TMTC2: variants seen among roughly 807,000 people sequenced by gnomAD.
TMTC2 encodes protein O-mannosyl-transferase TMTC2.
Under a neutral mutation model 82.4 loss-of-function variants are expected in TMTC2, and 43 were observed. The observed-to-expected ratio is 0.52, with a 90% CI of 0.41 to 0.67. The LOEUF (loss-of-function observed/expected upper bound fraction) is 0.67, where lower values mean the gene tolerates loss of function less well. Ranked by LOEUF, TMTC2 falls within the 30% of genes least tolerant of loss-of-function variation. The pLI is 0.00. For missense variants in TMTC2, 919 were observed against 1,012.4 expected (o/e 0.91, Z 1.25); for synonymous variants, 408 against 381.9 (o/e 1.07, Z -0.80).
intron 8 of TMTC2, among the ~76,000 whole-genome samples, chr12:82,991,717 T>C (rs1409323120): frequency 2.0e-5 from 3 of 152,204 alleles, no homozygotes; most frequent in South Asian, 2.1e-4. Flanking sequence ...GTTTGAACTT[T>C]GTTACCTAGG....
chr12:82,826,459 C>T (rs1480167070), intron 1 of TMTC2, among the ~76,000 whole-genome samples: 2 of 151,968 alleles, frequency 1.3e-5, no homozygotes, highest in Non-Finnish European at 2.9e-5. Flanking sequence ...TTTTCTTGTT[C>T]CCTGCTAAGT....
At chr12:82,849,868 C>T (rs1870882284) in intron 1 of TMTC2, among the ~76,000 whole-genome samples, 1 of 152,050 alleles carries the variant, frequency 6.6e-6, no homozygotes, top group African/African-American at 2.4e-5. Flanking sequence ...TTTGGTTTCA[C>T]CCTCAGGCTG....
At chr12:82,876,040 T>TGGTGGTGGC (rs1872488872) in intron 2 of TMTC2, among the ~76,000 whole-genome samples, 4 of 107,766 alleles carry the variant, frequency 3.7e-5, no homozygotes, top group Admixed American at 1.1e-4. Flanking sequence ...GTGGTGGTGG[T>TGGTGGTGGC]GGTGGTGGTG....
chr12:82,947,518 A>G (rs975135821), intron 4 of TMTC2, among the ~76,000 whole-genome samples: 3 of 149,012 alleles, frequency 2.0e-5, no homozygotes, highest in Non-Finnish European at 2.9e-5. Flanking sequence ...AATTTTTTGT[A>G]TTTTTAGTAG....
intron 7 of TMTC2, among the ~76,000 whole-genome samples, chr12:82,970,163 G>A (rs1012273864): frequency 2.6e-5 from 4 of 152,148 alleles, no homozygotes; most frequent in African/African-American, 4.8e-5. Context: ...GCATCCTTGG[G>A]CAAATTACTT....
chr12:82,785,366 GT>G (rs1878130571), intron 1 of TMTC2, among the ~76,000 whole-genome samples: 5 of 38,236 alleles, frequency 1.3e-4, no homozygotes, highest in African/African-American at 5.4e-4. Flanking sequence ...ACCCCCCCCC[GT>G]CCCCCCCAAA....
At chr12:82,867,061 G>A (rs1325727943) in intron 2 of TMTC2, among the ~76,000 whole-genome samples, 3 of 152,220 alleles carry the variant, frequency 2.0e-5, no homozygotes, top group South Asian at 2.1e-4. Flanking sequence ...TAGCATCTTC[G>A]AAGTCAGTGA....
At chr12:82,811,694 A>C (rs1240136510) in intron 1 of TMTC2, among the ~76,000 whole-genome samples, 1 of 151,666 alleles carries the variant, frequency 6.6e-6, no homozygotes, top group Non-Finnish European at 1.5e-5. Flanking sequence ...TGAATGAATG[A>C]GCCGTTTATA....
In TMTC2 at chr12:83,088,154, A is replaced by G. The variant is rs532775632; in HGVS notation, c.2331+26323A>G. Reference sequence around the variant, plus strand: ...AGAGATGAACCTTTCTTTAAATTCCATGAACAAACCTCTGCTAGCTTCAGA... The same window carrying G: ...AGAGATGAACCTTTCTTTAAATTCCGTGAACAAACCTCTGCTAGCTTCAGA... On this transcript the variant is annotated intron_variant, in intron 11 of 11. Coordinates refer to ENST00000321196, the MANE Select transcript of TMTC2 (RefSeq NM_152588.3). Among the ~76,000 whole-genome samples, 9 of 152,320 alleles carry G rather than the reference A, an allele frequency of 5.9e-5. No homozygotes were observed. In the East Asian group the frequency reaches 1.7e-3, roughly 29 times the overall value.
chr12:82,777,747 C>G (rs968341265), intron 1 of TMTC2, among the ~76,000 whole-genome samples: 1 of 152,178 alleles, frequency 6.6e-6, no homozygotes, highest in African/African-American at 2.4e-5. Context: ...CTTTGCATCT[C>G]TCTTTATACT....
At chr12:82,998,051 A>C (rs554264900) in intron 8 of TMTC2, among the ~76,000 whole-genome samples, 33 of 152,312 alleles carry the variant, frequency 2.2e-4, no homozygotes, top group African/African-American at 7.9e-4. Flanking sequence ...TTAGAAATAA[A>C]CATAAGTGAA....
At chr12:82,800,604 A>T (rs1002627680) in intron 1 of TMTC2, among the ~76,000 whole-genome samples, 1 of 152,146 alleles carries the variant, frequency 6.6e-6, no homozygotes, top group African/African-American at 2.4e-5. Flanking sequence ...TGAAGTAGTA[A>T]ATGCTATTTA....
chr12:82,706,323 CAAAAAA>C (rs11365830), intron 1 of TMTC2, among the ~76,000 whole-genome samples: 4 of 80,252 alleles, frequency 5.0e-5, no homozygotes, highest in African/African-American at 1.9e-4. Context: ...GAGTCCATCT[CAAAAAA>C]AAAAAAAAAA....
chr12:82,871,681 C>CTGTGTGTGTGTGTGTGTGTG (rs10662218), intron 2 of TMTC2, among the ~76,000 whole-genome samples: 4 of 142,104 alleles, frequency 2.8e-5, no homozygotes, highest in African/African-American at 1.0e-4. Flanking sequence ...CTCTGCTCAT[C>CTGTGTGTGTGTGTGTGTGTG]TGTGTGTGTG....
chr12:83,019,004 A>G (rs1880798970), intron 8 of TMTC2, among the ~76,000 whole-genome samples: 1 of 152,156 alleles, frequency 6.6e-6, no homozygotes, highest in Non-Finnish European at 1.5e-5. Context: ...TGTCACAACA[A>G]AAGTAGGAAT....
At chr12:83,006,076 G>T (rs970687282) in intron 8 of TMTC2, among the ~76,000 whole-genome samples, 13 of 152,172 alleles carry the variant, frequency 8.5e-5, no homozygotes, top group Admixed American at 5.9e-4. Flanking sequence ...AGGGGTGGTG[G>T]CATCTTGTGC....
intron 1 of TMTC2, among the ~76,000 whole-genome samples, chr12:82,776,945 C>T (rs984621268): frequency 6.6e-6 from 1 of 152,088 alleles, no homozygotes; most frequent in Non-Finnish European, 1.5e-5. Flanking sequence ...AAAACATAAA[C>T]AAATAAATAA....
intron 8 of TMTC2, among the ~76,000 whole-genome samples, chr12:83,012,820 A>G (rs539921545): frequency 4.4e-4 from 67 of 152,296 alleles, no homozygotes; most frequent in Middle Eastern, 3.4e-3. Context: ...TCTGACAGGT[A>G]TAACAGAATA....
intron 1 of TMTC2, among the ~76,000 whole-genome samples, chr12:82,701,523 G>A (rs1436764141): frequency 1.3e-5 from 2 of 151,028 alleles, no homozygotes; most frequent in African/African-American, 2.4e-5. Context: ...AGGCCGAGGC[G>A]GGCGGATCAC....
Sources: gnomAD v4.1 joint callset for allele counts (sites outside exome capture counted in the v4.1 genomes callset) on GRCh38, gnomAD v4.1.1 for gene constraint, MANE v1.5 for transcripts, NCBI Gene and HGNC (gene_info 2026-07-23, HGNC 2026-07-21) for gene names.